Variants in B3GALNT2 observed in about 807,000 individuals in gnomAD.
B3GALNT2 encodes beta-1,3-N-acetylgalactosaminyltransferase 2.
B3GALNT2 carries 53 observed loss-of-function variants against 61.1 expected under a neutral mutation model. The observed-to-expected ratio is 0.87, with a 90% CI of 0.70 to 1.09. The LOEUF (loss-of-function observed/expected upper bound fraction) is 1.09, where lower values mean the gene tolerates loss of function less well. Among genes scored for constraint, B3GALNT2 ranks in the 50% least tolerant of loss-of-function variants. The probability of loss-of-function intolerance (pLI) is 0.00; values close to 1 mark genes in which losing one functional copy is unlikely to be tolerated. For synonymous variants in B3GALNT2, 223 were observed against 237.4 expected, an observed-to-expected ratio of 0.94 and a Z score of 0.56; for missense variants, 544 against 623.0, an observed-to-expected ratio of 0.87 and a Z score of 1.35.
intron 4 of B3GALNT2, 107 bp from the exon 5 acceptor site, chr1:235,480,256 C>T: frequency 6.8e-7 from 1 of 1,478,308 alleles, no homozygotes; most frequent in African/African-American, 1.4e-5. Context: ...CCACAATGGC[C>T]CTAACCACGG....
chr1:235,501,770 C>T (rs74466527), intron 1 of B3GALNT2, among the ~76,000 whole-genome samples: 3 of 152,022 alleles, frequency 2.0e-5, no homozygotes, highest in Admixed American at 1.3e-4. Context: ...AAAAAAAATA[C>T]ATTTAAAAAT....
chr1:235,475,443 T>C (rs1391428125), intron 5 of B3GALNT2, among the ~76,000 whole-genome samples: 1 of 152,058 alleles, frequency 6.6e-6, no homozygotes, highest in Non-Finnish European at 1.5e-5. Context: ...ACTGGGGACA[T>C]GTGACTCCAG....
chr1:235,480,211 A>C, intron 4 of B3GALNT2, 62 bp from the exon 5 acceptor site: 3 of 1,589,774 alleles, frequency 1.9e-6, no homozygotes, highest in Non-Finnish European at 2.6e-6. Context: ...ATATGCAAAA[A>C]GTTTTCAAAC....
chr1:235,487,631 A>C (rs1320292890), intron 3 of B3GALNT2, among the ~76,000 whole-genome samples: 2 of 152,216 alleles, frequency 1.3e-5, no homozygotes, highest in Non-Finnish European at 2.9e-5. Flanking sequence ...AGAAGTCCTA[A>C]TCAGCATATT....
At chr1:235,474,988 T>TATATATATATATATATATA (rs1491560842) in intron 5 of B3GALNT2, among the ~76,000 whole-genome samples, 1 of 19,134 alleles carries the variant, frequency 5.2e-5, no homozygotes. Flanking sequence ...TATATATATA[T>TATATATATATATATATATA]TTTTTTTTTT....
intron 11 of B3GALNT2, chr1:235,451,472 CAAAAAAAAAAAAAAAA>C (rs11464279): frequency 1.2e-5 from 1 of 83,064 alleles, no homozygotes; most frequent in African/African-American, 4.7e-5. Flanking sequence ...GAGATGGTCA[CAAAAAAAAAAAAAAAA>C]AAAAGACCGC....
At chr1:235,451,063 A>G (rs704706) in intron 11 of B3GALNT2, 112,010 of 152,148 alleles carry the variant, frequency 0.74, 42,290 homozygotes, top group African/African-American at 0.91. Context: ...AGGAGAAAGC[A>G]CTGAGTCAGC....
intron 6 of B3GALNT2, among the ~76,000 whole-genome samples, chr1:235,467,624 C>T (rs1683770754): frequency 1.3e-5 from 2 of 149,802 alleles, no homozygotes; most frequent in East Asian, 2.0e-4. Context: ...AGCTGACAGT[C>T]GCCTGCCAGC....
chr1:235,466,804 T>C (rs2102806353), intron 6 of B3GALNT2, among the ~76,000 whole-genome samples: 1 of 152,346 alleles, frequency 6.6e-6, no homozygotes, highest in South Asian at 2.1e-4. Context: ...ACTGTTTTAC[T>C]TCTGTATACA....
Position 235,449,117 on chromosome 1 carries a change from C to T in B3GALNT2, c.*1089G>A, listed in dbSNP as rs1682719436. 1 of 283,288 alleles carries T rather than the reference C, an allele frequency of 3.5e-6. No homozygotes were observed. Among genetic ancestry groups the T allele is most frequent in the Admixed American group, 5.0e-5 (1 of 20,018 alleles). The allele number at this position is 283,288 out of a possible 1,614,324, so 17.5% of individuals were successfully genotyped here. On this transcript the variant is annotated 3_prime_UTR_variant, in exon 12 of 12. Coordinates refer to ENST00000366600, the MANE Select transcript of B3GALNT2 (RefSeq NM_152490.5). Reference sequence around the variant, plus strand: ...TCATAAGACTAGTTTTAATGGAATTCTCTATTGAAACTACTATTTTAAAGG... The same window carrying T: ...TCATAAGACTAGTTTTAATGGAATTTTCTATTGAAACTACTATTTTAAAGG...
At chr1:235,494,611 C>T (rs1026325071) in intron 2 of B3GALNT2, 70 bp downstream of exon 2, 28 of 1,498,204 alleles carry the variant, frequency 1.9e-5, no homozygotes, top group Non-Finnish European at 2.5e-5. Context: ...CACACACCAC[C>T]ACGCCTGGCT....
At chr1:235,450,734 A>G (rs1321554379) in intron 11 of B3GALNT2, 2 of 161,702 alleles carry the variant, frequency 1.2e-5, no homozygotes, top group East Asian at 3.5e-4. Flanking sequence ...GTGCTTTGTA[A>G]ATATCTCACT....
intron 1 of B3GALNT2, among the ~76,000 whole-genome samples, chr1:235,499,871 C>T (rs1020504553): frequency 6.6e-6 from 1 of 152,056 alleles, no homozygotes; most frequent in African/African-American, 2.4e-5. Context: ...GTTCTTATGA[C>T]CTTTAATAAA....
chr1:235,456,015 T>C (rs1459536976), intron 8 of B3GALNT2, among the ~76,000 whole-genome samples: 1 of 152,238 alleles, frequency 6.6e-6, no homozygotes, highest in East Asian at 1.9e-4. Flanking sequence ...GCCAAATCTA[T>C]TAAACGCCTG....
chr1:235,450,229 G>C lies in B3GALNT2; in HGVS notation c.1480C>G (p.Pro494Ala). 1 of 1,614,064 alleles carries C rather than the reference G, an allele frequency of 6.2e-7. No homozygotes were observed. Among genetic ancestry groups the C allele is most frequent in the Non-Finnish European group, 8.5e-7 (1 of 1,180,012 alleles). The change falls in exon 12 of 12, where the codon CCT (proline) becomes GCT (alanine). Residue 494 changes from proline (P) to alanine (A), a missense_variant. By Grantham distance (27) the Pro-to-Ala change is conservative (BLOSUM62 -1). Coordinates refer to ENST00000366600, the MANE Select transcript of B3GALNT2 (RefSeq NM_152490.5). ...TGTTATCTTGCTTGACATCGACAAG[G>C]ATCACCGCACCGTTCCTTCAGTTTC... ...LWKLKERCGDPCRCQAR is the reference protein window; with the variant it reads ...LWKLKERCGDACRCQAR
chr1:235,501,919 T>C (rs1484264895), intron 1 of B3GALNT2, among the ~76,000 whole-genome samples: 1 of 152,204 alleles, frequency 6.6e-6, no homozygotes, highest in African/African-American at 2.4e-5. Flanking sequence ...AAAGGAATTA[T>C]GGGAAATTTT....
intron 8 of B3GALNT2, among the ~76,000 whole-genome samples, chr1:235,456,476 C>A (rs1231932036): frequency 6.6e-6 from 1 of 152,164 alleles, no homozygotes; most frequent in Non-Finnish European, 1.5e-5. Context: ...AATAGCATCA[C>A]CCCATGTTTC....
intron 6 of B3GALNT2, among the ~76,000 whole-genome samples, chr1:235,467,133 GGACAA>G (rs1187171863): frequency 6.6e-6 from 1 of 152,080 alleles, no homozygotes; most frequent in Non-Finnish European, 1.5e-5. Flanking sequence ...CGGATCACGA[GGACAA>G]GACATCAAGA....
At chr1:235,497,259 C>T (rs952363117) in intron 1 of B3GALNT2, among the ~76,000 whole-genome samples, 1 of 152,156 alleles carries the variant, frequency 6.6e-6, no homozygotes, top group East Asian at 1.9e-4. Flanking sequence ...GAAATATGTA[C>T]ATTCTAGTGT....
Sources: gnomAD v4.1 joint callset for allele counts (sites outside exome capture counted in the v4.1 genomes callset) on GRCh38, gnomAD v4.1.1 for gene constraint, MANE v1.5 for transcripts, NCBI Gene and HGNC (gene_info 2026-07-23, HGNC 2026-07-21) for gene names.